MMS22L: variants seen among roughly 807,000 people sequenced by gnomAD.
MMS22L encodes protein MMS22-like.
MMS22L carries 74 observed loss-of-function variants against 159.1 expected under a neutral mutation model. That is an observed-to-expected ratio of 0.47 (90% CI 0.39 to 0.56). The LOEUF (loss-of-function observed/expected upper bound fraction) is 0.56, where lower values mean the gene tolerates loss of function less well. Ranked by LOEUF, MMS22L falls within the 20% of genes least tolerant of loss-of-function variation. The probability of loss-of-function intolerance (pLI) is 0.00; values close to 1 mark genes in which losing one functional copy is unlikely to be tolerated. For synonymous variants in MMS22L, 517 were observed against 506.9 expected (o/e 1.02, Z -0.27); for missense variants, 1,351 against 1,422.1 (o/e 0.95, Z 0.80).
chr6:97,198,326 G>A (rs747174041), intron 14 of MMS22L, among the ~76,000 whole-genome samples: 22 of 152,054 alleles, frequency 1.4e-4, no homozygotes, highest in Admixed American at 2.0e-4. Context: ...TTCTAGTCTC[G>A]GCCTTTAGTT....
At chr6:97,271,563 T>C (rs1231425054) in intron 6 of MMS22L, 1 of 152,252 alleles carries the variant, frequency 6.6e-6, no homozygotes. Flanking sequence ...CGATTAGATA[T>C]ATTAACTTGT....
intron 14 of MMS22L, among the ~76,000 whole-genome samples, chr6:97,203,369 G>A (rs1807390997): frequency 6.6e-6 from 1 of 152,102 alleles, no homozygotes; most frequent in Admixed American, 6.6e-5. Context: ...AAGGGCTCTA[G>A]AGGGTCTGGC....
rs544282143 is a variant in MMS22L, at chr6:97,161,488, G to A, written c.3385+514C>T. Among the ~76,000 whole-genome samples, 113 of 152,116 alleles carry A rather than the reference G, an allele frequency of 7.4e-4. 1 individual carries two copies. Among genetic ancestry groups the A allele is most frequent in the African/African-American group, 2.6e-3 (108 of 41,522 alleles). Reference sequence around the variant, plus strand: ...CCCAAAGTGCTGGGATTACAGGTGTGAGCCATTATGCCAGGCCAATAAATG... The same window carrying A: ...CCCAAAGTGCTGGGATTACAGGTGTAAGCCATTATGCCAGGCCAATAAATG... On this transcript the variant is annotated intron_variant, in intron 22 of 24. Transcript: ENST00000683635.
intron 11 of MMS22L, among the ~76,000 whole-genome samples, chr6:97,244,104 T>C (rs1243023149): frequency 6.6e-6 from 1 of 152,210 alleles, no homozygotes; most frequent in East Asian, 1.9e-4. Flanking sequence ...AAACAGGATG[T>C]TACAGGTAAT....
intron 10 of MMS22L, chr6:97,254,319 T>C (rs1813549020): frequency 5.0e-6 from 2 of 396,664 alleles, no homozygotes. Flanking sequence ...ACACAATTGT[T>C]CAGTAGCAGG....
chr6:97,173,470 T>C (rs1024508248), intron 18 of MMS22L, among the ~76,000 whole-genome samples: 2 of 152,006 alleles, frequency 1.3e-5, no homozygotes, highest in Non-Finnish European at 2.9e-5. Context: ...TAACTACTTA[T>C]AGAAGGGCCG....
intron 10 of MMS22L, 63 bp from the exon 11 acceptor site, chr6:97,246,753 A>G: frequency 8.6e-7 from 1 of 1,169,560 alleles, no homozygotes; most frequent in Admixed American, 1.9e-5. Context: ...ATTTAAAATT[A>G]GGGTATAGCA....
At chr6:97,231,899 A>G (rs1281541697) in intron 12 of MMS22L, among the ~76,000 whole-genome samples, 1 of 152,194 alleles carries the variant, frequency 6.6e-6, no homozygotes, top group African/African-American at 2.4e-5. Context: ...GATACAAACA[A>G]GATCCATACA....
In MMS22L at chr6:97,186,692, TAAAA is replaced by T. The variant is rs763546501; in HGVS notation, c.2040-6_2040-3del. The T allele has an allele frequency of 6.0e-6, 9 of 1,508,384 alleles. No homozygotes were observed. The African/African-American group carries it at 1.1e-4, about 19-fold the overall frequency. 93.4% of individuals were successfully genotyped at this position (1,508,384 alleles called of 1,614,324 possible). ...TGACACAATTGTTGATGCATACTCCTAAAAAGAAATAAAAATACAGCTAACACCC... is the reference window on the plus strand; with the variant it reads ...TGACACAATTGTTGATGCATACTCCTAGAAATAAAAATACAGCTAACACCC... On this transcript the variant is annotated splice_region_variant and splice_polypyrimidine_tract_variant and intron_variant, in intron 14 of 24. Coordinates refer to ENST00000683635, the MANE Select transcript of MMS22L (RefSeq NM_001350599.2).
chr6:97,246,783 T>G lies in MMS22L; in HGVS notation c.1120-93A>C, dbSNP rs528620301. On this transcript the variant is annotated intron_variant, in intron 10 of 24. Coordinates refer to ENST00000683635, the MANE Select transcript of MMS22L (RefSeq NM_001350599.2). ...ATAGCAAATTAAGTGTGCAGTACAT[T>G]TTCCTCTATCATTCAGCATCAATGT... 2.5e-4 allele frequency: 198 copies of G among 784,074 alleles called. No individual in the cohort carries two copies. The African/African-American group carries it at 3.0e-3, about 12-fold the overall frequency. 48.6% of individuals were successfully genotyped at this position (784,074 alleles called of 1,614,324 possible). A position where few individuals can be genotyped will look rare whatever the true frequency, so the allele number is the denominator to read the frequency against.
At chr6:97,153,662 T>G (rs1032798210) in intron 22 of MMS22L, among the ~76,000 whole-genome samples, 1 of 152,146 alleles carries the variant, frequency 6.6e-6, no homozygotes, top group Non-Finnish European at 1.5e-5. Context: ...TAAGCCACCA[T>G]GCCTAGACCT....
In MMS22L at chr6:97,146,764, T is replaced by C; in HGVS notation, c.*42A>G. The C allele has an allele frequency of 7.9e-7, 1 of 1,260,408 alleles. No homozygotes were observed. Among genetic ancestry groups the C allele is most frequent in the Non-Finnish European group, 1.1e-6 (1 of 886,966 alleles). The allele number at this position is 1,260,408 out of a possible 1,614,324, so 78.1% of individuals were successfully genotyped here. ...GAATTAGAGTGGAACAATGTGGCTT[T>C]AGATACTGATAATTAATAGACAGGA... On this transcript the variant is annotated 3_prime_UTR_variant, in exon 25 of 25. Transcript: ENST00000683635.
At chr6:97,169,450 A>C (rs1005204974) in intron 19 of MMS22L, among the ~76,000 whole-genome samples, 1 of 152,156 alleles carries the variant, frequency 6.6e-6, no homozygotes, top group Non-Finnish European at 1.5e-5. Flanking sequence ...CCTAGAAAGC[A>C]AAAACGATAA....
intron 11 of MMS22L, among the ~76,000 whole-genome samples, chr6:97,245,557 T>G (rs1276798702): frequency 6.6e-6 from 1 of 152,072 alleles, no homozygotes; most frequent in Non-Finnish European, 1.5e-5. Context: ...AATCAATATG[T>G]TCTCAAAAAA....
chr6:97,158,023 C>T (rs748307067), intron 22 of MMS22L, among the ~76,000 whole-genome samples: 31 of 152,044 alleles, frequency 2.0e-4, no homozygotes, highest in Non-Finnish European at 2.8e-4. Flanking sequence ...TTCAGATGTT[C>T]GACTTCTTCC....
At chr6:97,254,870 C>T in intron 9 of MMS22L, 137 bp from the exon 10 acceptor site, 1 of 652,090 alleles carries the variant, frequency 1.5e-6, no homozygotes, top group Non-Finnish European at 2.4e-6. Flanking sequence ...ATAAAAATGC[C>T]CAGGTTAAGA....
chr6:97,219,193 C>T (rs1240229651), intron 14 of MMS22L, among the ~76,000 whole-genome samples: 1 of 152,098 alleles, frequency 6.6e-6, no homozygotes, highest in African/African-American at 2.4e-5. Flanking sequence ...ACTGGTAACA[C>T]ACGGATAAGC....
chr6:97,173,315 C>G, intron 18 of MMS22L, 93 bp from the exon 19 acceptor site: 1 of 1,133,840 alleles, frequency 8.8e-7, no homozygotes, highest in Non-Finnish European at 1.3e-6. Flanking sequence ...TTTCTACATA[C>G]GCACCCATAC....
intron 4 of MMS22L, among the ~76,000 whole-genome samples, chr6:97,277,318 CAGG>C (rs1184977368): frequency 1.3e-5 from 2 of 152,100 alleles, no homozygotes; most frequent in Non-Finnish European, 2.9e-5. Context: ...GAGGCTGAGG[CAGG>C]AGAATTGCTT....
Sources: gnomAD v4.1 joint callset for allele counts (sites outside exome capture counted in the v4.1 genomes callset) on GRCh38, gnomAD v4.1.1 for gene constraint, MANE v1.5 for transcripts, NCBI Gene and HGNC (gene_info 2026-07-23, HGNC 2026-07-21) for gene names.